Variants in TCF19 observed in about 807,000 individuals in gnomAD.
The protein encoded by TCF19 is transcription factor SC1.
In TCF19, 9 loss-of-function variants were observed where a neutral mutation model predicts 18.3. The ratio of observed to expected loss-of-function variants is 0.49; its 90% CI spans 0.30 to 0.86. TCF19 has a LOEUF of 0.86. TCF19 is among the 40% of genes least tolerant of loss of function. TCF19 has a pLI of 0.07. For synonymous variants in TCF19, 176 were observed against 185.3 expected (o/e 0.95, Z 0.41); for missense variants, 376 against 464.3 (o/e 0.81, Z 1.75).
At position 31,162,098 on chromosome 6, in the gene TCF19, G is replaced by C. The variant is rs1776824352; in HGVS notation, c.797+93G>C. 6 of 1,369,586 alleles carry C rather than the reference G, an allele frequency of 4.4e-6. No homozygotes were observed. The highest frequency in any genetic ancestry group is 4.9e-6 in the Non-Finnish European group (5 of 1,019,298). The allele number at this position is 1,369,586 out of a possible 1,614,324, so 84.8% of individuals were successfully genotyped here. A position where few individuals can be genotyped will look rare whatever the true frequency, so the allele number is the denominator to read the frequency against. The stretch of plus-strand genomic sequence containing the variant: ...GTGAGGAGGTCCCCCTGCCTGGGGG[G>C]ATGGGCACGGGAGGTGGAATAGATG... On this transcript the variant is annotated intron_variant, in intron 3 of 3. Transcript: ENST00000376257. This position sits in a 1 kb window ranked among gnomAD's most constrained non-coding sequence, Gnocchi z 4.5.
In TCF19 at chr6:31,161,975, G is replaced by A. The variant is rs771736499; in HGVS notation, c.767G>A (p.Arg256His). 4.2e-5 allele frequency: 67 copies of A among 1,611,980 alleles called. 1 individual carries two copies. Among genetic ancestry groups the A allele is most frequent in the African/African-American group, 1.1e-4 (8 of 74,926 alleles). Reference sequence around the variant, plus strand: ...CTTATGGAGCCCAGGAAGAAACTCCGTGTAGACAAAGCCCCACTGACTCCC... The same window carrying A: ...CTTATGGAGCCCAGGAAGAAACTCCATGTAGACAAAGCCCCACTGACTCCC... ...PVLMEPRKKLRVDKAPLTPTG... is the reference protein window; with the variant it reads ...PVLMEPRKKLHVDKAPLTPTG... Residue 256 changes from arginine (R) to histidine (H), a missense_variant, in exon 3 of 4, where the codon CGT becomes CAT. Physicochemically the swap from Arg to His is conservative, Grantham distance 29. Coordinates refer to ENST00000376257, the MANE Select transcript of TCF19 (RefSeq NM_007109.3).
Position 31,162,445 on chromosome 6 carries a change from G to C in TCF19, c.798-32G>C, listed in dbSNP as rs547347774. 6.3e-7 allele frequency: 1 copy of C among 1,579,712 alleles called. No homozygotes were observed. Among genetic ancestry groups the C allele is most frequent in the South Asian group, 1.2e-5 (1 of 84,694 alleles). On this transcript the variant is annotated intron_variant, in intron 3 of 3. Transcript: ENST00000376257. This position sits in a 1 kb window ranked among gnomAD's most constrained non-coding sequence, Gnocchi z 4.5. ...TCTAGGCCTTCTCCTACAGGTTTCCGGTGACCCTTGTGTCTGTGTCACTTC... is the reference window on the plus strand; with the variant it reads ...TCTAGGCCTTCTCCTACAGGTTTCCCGTGACCCTTGTGTCTGTGTCACTTC...
Position 31,163,242 on chromosome 6 carries a change from C to T in TCF19, c.*525C>T. 2.0e-6 allele frequency: 2 copies of T among 991,222 alleles called. No individual in the cohort carries two copies. Among genetic ancestry groups the T allele is most frequent in the South Asian group, 4.6e-5 (1 of 21,804 alleles). The allele number at this position is 991,222 out of a possible 1,614,324, so 61.4% of individuals were successfully genotyped here. A position where few individuals can be genotyped will look rare whatever the true frequency, so the allele number is the denominator to read the frequency against. On this transcript the variant is annotated 3_prime_UTR_variant, in exon 4 of 4. Coordinates refer to ENST00000376257, the MANE Select transcript of TCF19 (RefSeq NM_007109.3). ...TCAAGGACAAGCCGCTTCATTCACTCCTGGGCATTTACTCTTCTTGTGGGT... is the reference window on the plus strand; with the variant it reads ...TCAAGGACAAGCCGCTTCATTCACTTCTGGGCATTTACTCTTCTTGTGGGT...
rs1344824092 is a variant in TCF19 at position 31,163,465 on chromosome 6, A to C, written c.*748A>C. On this transcript the variant is annotated 3_prime_UTR_variant, in exon 4 of 4. Transcript: ENST00000376257. ...GGAAAACAGATCTATTGCCATTTAA[A>C]TAAGGTAACTGGGATTTGGTTAAGT... 3.5e-5 allele frequency: 34 copies of C among 985,378 alleles called. No homozygotes were observed. The highest frequency in any genetic ancestry group is 4.1e-5 in the Non-Finnish European group (34 of 829,960). The allele number at this position is 985,378 out of a possible 1,614,324, so 61.0% of individuals were successfully genotyped here.
Position 31,163,278 on chromosome 6 carries a change from C to T in TCF19, c.*561C>T. On this transcript the variant is annotated 3_prime_UTR_variant, in exon 4 of 4. Coordinates refer to ENST00000376257, the MANE Select transcript of TCF19 (RefSeq NM_007109.3). Reference sequence around the variant, plus strand: ...ACTCTTCTTGTGGGTCTGTGATATTCCTTGCTTTCCAGGGAGAATGTGCTT... The same window carrying T: ...ACTCTTCTTGTGGGTCTGTGATATTTCTTGCTTTCCAGGGAGAATGTGCTT... 1.0e-6 allele frequency: 1 copy of T among 987,056 alleles called. No homozygotes were observed. Among genetic ancestry groups the T allele is most frequent in the Non-Finnish European group, 1.2e-6 (1 of 831,054 alleles). The allele number at this position is 987,056 out of a possible 1,614,324, so 61.1% of individuals were successfully genotyped here.
At chr6:31,160,488 G>A (rs1776691771) in intron 2 of TCF19, among the ~76,000 whole-genome samples, 1 of 152,084 alleles carries the variant, frequency 6.6e-6, no homozygotes, top group African/African-American at 2.4e-5. Context: ...GGGCACGGTG[G>A]CTCACGCCTG....
chr6:31,163,611 C>T lies in TCF19; in HGVS notation c.*894C>T, dbSNP rs979349373. The stretch of plus-strand genomic sequence containing the variant: ...ATGGCTGTGACACAGCTCCACTCCA[C>T]GGGTGGACACAGCAGAGGGCAACTG... On this transcript the variant is annotated 3_prime_UTR_variant, in exon 4 of 4. Transcript: ENST00000376257. 4.1e-6 allele frequency: 4 copies of T among 985,368 alleles called. No individual in the cohort carries two copies. Among genetic ancestry groups the T allele is most frequent in the African/African-American group, 3.5e-5 (2 of 57,238 alleles). The allele number at this position is 985,368 out of a possible 1,614,324, so 61.0% of individuals were successfully genotyped here. A position where few individuals can be genotyped will look rare whatever the true frequency, so the allele number is the denominator to read the frequency against.
At position 31,163,495 on chromosome 6, in the gene TCF19, A is replaced by C. The variant is rs1383703562; in HGVS notation, c.*778A>C. 1 of 985,368 alleles carries C rather than the reference A, an allele frequency of 1.0e-6. No individual in the cohort carries two copies. The highest frequency in any genetic ancestry group is 1.2e-6 in the Non-Finnish European group (1 of 829,958). The allele number at this position is 985,368 out of a possible 1,614,324, so 61.0% of individuals were successfully genotyped here. On this transcript the variant is annotated 3_prime_UTR_variant, in exon 4 of 4. Coordinates refer to ENST00000376257, the MANE Select transcript of TCF19 (RefSeq NM_007109.3). The stretch of plus-strand genomic sequence containing the variant: ...GTAACTGGGATTTGGTTAAGTTCAC[A>C]AAGATAGCAGAAGATTTATTTACAG...
Position 31,162,719 on chromosome 6 carries a change from G to A in TCF19, c.*2G>A. On this transcript the variant is annotated 3_prime_UTR_variant, in exon 4 of 4. Coordinates refer to ENST00000376257, the MANE Select transcript of TCF19 (RefSeq NM_007109.3). This position sits in a 1 kb window ranked among gnomAD's most constrained non-coding sequence, Gnocchi z 4.5. The stretch of plus-strand genomic sequence containing the variant: ...TGCCGGGCTGGCATTCAGACCTAAG[G>A]TCCACTGCCAAGGCACCATCGGACA... The A allele has an allele frequency of 6.2e-7, 1 of 1,610,634 alleles. No homozygotes were observed. Among genetic ancestry groups the A allele is most frequent in the Non-Finnish European group, 8.5e-7 (1 of 1,179,880 alleles).
In TCF19 at chr6:31,162,114, G is replaced by A. The variant is rs958916040; in HGVS notation, c.797+109G>A. 20 of 1,202,982 alleles carry A rather than the reference G, an allele frequency of 1.7e-5. No individual in the cohort carries two copies. The African/African-American group carries it at 2.0e-4, about 12-fold the overall frequency. 74.5% of individuals were successfully genotyped at this position (1,202,982 alleles called of 1,614,324 possible). A position where few individuals can be genotyped will look rare whatever the true frequency, so the allele number is the denominator to read the frequency against. On this transcript the variant is annotated intron_variant, in intron 3 of 3. Coordinates refer to ENST00000376257, the MANE Select transcript of TCF19 (RefSeq NM_007109.3). This position sits in a 1 kb window ranked among gnomAD's most constrained non-coding sequence, Gnocchi z 4.5. ...GCCTGGGGGGATGGGCACGGGAGGT[G>A]GAATAGATGGAATGGCAAGACCTGG... is the stretch of plus-strand genomic sequence containing the variant.
chr6:31,161,702 C>T lies in TCF19; in HGVS notation c.494C>T (p.Thr165Ile), dbSNP rs1222409899. ...GGGGCTCCACAGCGGCCTCTCAGCA[C>T]CTTCTCCCCTGCCCCCAAGGCCACA... Reference protein sequence around the residue: ...SQGAPQRPLSTFSPAPKATLI... With the variant: ...SQGAPQRPLSIFSPAPKATLI... The change falls in exon 3 of 4, where the codon ACC becomes ATC. Residue 165 changes from threonine (T) to isoleucine (I), a missense_variant. Coordinates refer to ENST00000376257, the MANE Select transcript of TCF19 (RefSeq NM_007109.3). 6.5e-7 allele frequency: 1 copy of T among 1,542,950 alleles called. No individual in the cohort carries two copies. Among genetic ancestry groups the T allele is most frequent in the South Asian group, 1.3e-5 (1 of 79,064 alleles).
Position 31,159,238 on chromosome 6 carries a change from C to G in TCF19, c.-232C>G. 1 of 522,128 alleles carries G rather than the reference C, an allele frequency of 1.9e-6. No homozygotes were observed. Among genetic ancestry groups the G allele is most frequent in the Non-Finnish European group, 3.4e-6 (1 of 292,598 alleles). 32.3% of individuals were successfully genotyped at this position (522,128 alleles called of 1,614,324 possible). On this transcript the variant is annotated 5_prime_UTR_variant, in exon 2 of 4. Coordinates refer to ENST00000376257, the MANE Select transcript of TCF19 (RefSeq NM_007109.3). Reference sequence around the variant, plus strand: ...GAGTTTGCATTGCACGGAGACCTTCCTGGAATTTTTCATTTGCAAGTCGGC... The same window carrying G: ...GAGTTTGCATTGCACGGAGACCTTCGTGGAATTTTTCATTTGCAAGTCGGC...
chr6:31,161,940 G>A lies in TCF19; in HGVS notation c.732G>A (p.Pro244=), dbSNP rs370750883. The change falls in exon 3 of 4, where the codon CCG becomes CCA. Residue 244 remains proline (P), a synonymous_variant. Transcript: ENST00000376257. ...ATGAGAGTGAGCCTCCTGAGAACCC[G>A]CCACCGGTCCTTATGGAGCCCAGGA... is the stretch of plus-strand genomic sequence containing the variant. The part of the protein sequence containing the change: ...LDDESEPPEN[P]PPVLMEPRKK... 23 of 1,612,778 alleles carry A rather than the reference G, an allele frequency of 1.4e-5. No homozygotes were observed. The highest frequency in any genetic ancestry group is 6.7e-5 in the African/African-American group (5 of 74,934).
rs779889451 is a variant in TCF19, at chr6:31,161,820, TC to T, written c.615del (p.Ala206ProfsTer52). ...SWGGPKSLPV[P>X]APPGEMGTTP... Reference sequence around the variant, plus strand: ...GGGGTGGACCAAAGAGCCTGCCTGTTCCCGCCCCACCTGGGGAAATGGGGAC... The same window carrying T: ...GGGGTGGACCAAAGAGCCTGCCTGTTCCGCCCCACCTGGGGAAATGGGGAC... On this transcript the variant is annotated frameshift_variant, in exon 3 of 4. Coordinates refer to ENST00000376257, the MANE Select transcript of TCF19 (RefSeq NM_007109.3). LOFTEE classifies it high-confidence loss of function. The T allele has an allele frequency of 1.2e-6, 2 of 1,612,660 alleles. No individual in the cohort carries two copies. The highest frequency in any genetic ancestry group is 4.5e-5 in the East Asian group (2 of 44,870).
chr6:31,158,713 C>T lies in TCF19; in HGVS notation c.-583C>T. 1 of 152,426 alleles carries T rather than the reference C, an allele frequency of 6.6e-6. No homozygotes were observed. The highest frequency in any genetic ancestry group is 1.5e-5 in the Non-Finnish European group (1 of 68,100). 9.4% of individuals were successfully genotyped at this position (152,426 alleles called of 1,614,324 possible). ...TGAAGAGGAGGCTACTCGGAGACTG[C>T]GCCGCGCGGGTAGATCCGAAACGGG... On this transcript the variant is annotated 5_prime_UTR_variant, in exon 1 of 4. Transcript: ENST00000376257.
chr6:31,164,202 T>TG lies in TCF19; in HGVS notation c.*1487dup. 1.7e-6 allele frequency: 2 copies of TG among 1,199,434 alleles called. No individual in the cohort carries two copies. The highest frequency in any genetic ancestry group is 2.1e-6 in the Non-Finnish European group (2 of 955,696). The allele number at this position is 1,199,434 out of a possible 1,614,324, so 74.3% of individuals were successfully genotyped here. ...TCACAGGGCCCTGTACAAATAAACT[T>TG]GGCTGCAATCCCAGCTCTCCCTCTG... On this transcript the variant is annotated 3_prime_UTR_variant, in exon 4 of 4. Transcript: ENST00000376257.
chr6:31,160,187 T>C (rs1468368328), intron 2 of TCF19, among the ~76,000 whole-genome samples: 1 of 152,250 alleles, frequency 6.6e-6, no homozygotes, highest in African/African-American at 2.4e-5. Flanking sequence ...GTTATTAGAC[T>C]ATAGTAGCCA....
In TCF19 at chr6:31,162,903, T is replaced by C. The variant is rs1776898490; in HGVS notation, c.*186T>C. 5 of 1,408,554 alleles carry C rather than the reference T, an allele frequency of 3.5e-6. No homozygotes were observed. In the South Asian group the frequency reaches 4.8e-5, roughly 14 times the overall value. 87.3% of individuals were successfully genotyped at this position (1,408,554 alleles called of 1,614,324 possible). On this transcript the variant is annotated 3_prime_UTR_variant, in exon 4 of 4. Transcript: ENST00000376257. This position sits in a 1 kb window ranked among gnomAD's most constrained non-coding sequence, Gnocchi z 4.5. ...ACCCTGGTGGCCAAGACAGAAGAGA[T>C]GGTTTCCTGCCAAAGATATTGCCAC...
chr6:31,161,621 G>C lies in TCF19; in HGVS notation c.413G>C (p.Arg138Pro), dbSNP rs752327354. Residue 138 changes from arginine (R) to proline (P), a missense_variant, in exon 3 of 4, where the codon CGG becomes CCG. By Grantham distance (103) the Arg-to-Pro change is moderately radical. Coordinates refer to ENST00000376257, the MANE Select transcript of TCF19 (RefSeq NM_007109.3). ...PQDFAAITIP[R>P]SRGEARVGAG... is the part of the protein sequence containing the mutation. The stretch of plus-strand genomic sequence containing the variant: ...GACTTTGCTGCCATTACCATCCCAC[G>C]GTCTAGGGGAGAAGCCCGGGTTGGG... 4 of 1,549,854 alleles carry C rather than the reference G, an allele frequency of 2.6e-6. No homozygotes were observed. The highest frequency in any genetic ancestry group is 3.5e-6 in the Non-Finnish European group (4 of 1,150,272).
Sources: gnomAD v4.1 joint callset for allele counts (sites outside exome capture counted in the v4.1 genomes callset) on GRCh38, gnomAD v4.1.1 for gene constraint, Gnocchi (gnomAD v3.1) non-coding constraint, MANE v1.5 for transcripts, NCBI Gene and HGNC (gene_info 2026-07-23, HGNC 2026-07-21) for gene names.